Variants in ECPAS observed in about 807,000 individuals in gnomAD.
ECPAS encodes the protein Ecm29 proteasome adaptor and scaffold, also known as proteasome adapter and scaffold protein ECM29.
Under a neutral mutation model 255.1 loss-of-function variants are expected in ECPAS, and 70 were observed. That is an observed-to-expected ratio of 0.27 (90% confidence interval 0.23 to 0.33). The LOEUF is 0.33. Among genes scored for constraint, ECPAS ranks in the 10% least tolerant of loss-of-function variants. The probability of loss-of-function intolerance (pLI) is 1.00; values close to 1 mark genes in which losing one functional copy is unlikely to be tolerated. For synonymous variants in ECPAS, 784 were observed against 775.0 expected (o/e 1.01, Z -0.19); for missense variants, 1,817 against 2,206.4 (o/e 0.82, Z 3.54).
In ECPAS at chr9:111,422,022, C is replaced by A. The variant is rs1368353813; in HGVS notation, c.1354G>T (p.Ala452Ser). Residue 452 changes from alanine (A) to serine (S), a missense_variant, in exon 15 of 50, where the codon GCT becomes TCT. This residue lies in a region of ECPAS where 573 missense variants were observed against 716.2 expected (regional missense o/e 0.80). Coordinates refer to ENST00000684092, the MANE Select transcript of ECPAS (RefSeq NM_001364929.1). Reference protein sequence around the residue: ...LCKEEPETRLAIQEALSMMVG... With the variant: ...LCKEEPETRLSIQEALSMMVG... The stretch of plus-strand genomic sequence containing the variant: ...ATCATAGATAAAGCTTCTTGAATAG[C>A]AAGTCGAGTCTCAGGCTCTTCCTAT... 1 of 1,613,630 alleles carries A rather than the reference C, an allele frequency of 6.2e-7. No homozygotes were observed. The highest frequency in any genetic ancestry group is 8.5e-7 in the Non-Finnish European group (1 of 1,179,798).
In ECPAS at chr9:111,433,358, G is replaced by A. The variant is rs754275956; in HGVS notation, c.723C>T (p.Ile241=). Residue 241 remains isoleucine, a synonymous_variant, in exon 8 of 50, where the codon ATC becomes ATT. Coordinates refer to ENST00000684092, the MANE Select transcript of ECPAS (RefSeq NM_001364929.1). ...CCTGTTCAGCTTCTATGAATTTCAC[G>A]ATTCCCAATTTGCACTGTAGATAAA... is the stretch of plus-strand genomic sequence containing the variant. ...PEQLEQCKLG[I]VKFIEAEQVP... is the part of the protein sequence containing the mutation. 25 of 1,613,768 alleles carry A rather than the reference G, an allele frequency of 1.5e-5. No individual in the cohort carries two copies. Among genetic ancestry groups the A allele is most frequent in the South Asian group, 3.3e-5 (3 of 91,082 alleles).
intron 33 of ECPAS, 91 bp from the exon 34 acceptor site, chr9:111,384,660 C>T (rs2297528): frequency 0.023 from 26,310 of 1,134,580 alleles, 1,181 homozygotes; most frequent in African/African-American, 0.14. Flanking sequence ...TCAGGCCCTA[C>T]AGAGATTTGG....
intron 12 of ECPAS, 45 bp from the exon 13 acceptor site, chr9:111,423,293 C>A: frequency 1.5e-6 from 2 of 1,343,268 alleles, no homozygotes; most frequent in Admixed American, 2.1e-5. Flanking sequence ...GAACAAAAAA[C>A]AGACAAAACA....
chr9:111,431,773 T>C (rs1205552954), intron 8 of ECPAS, among the ~76,000 whole-genome samples: 1 of 152,192 alleles, frequency 6.6e-6, no homozygotes, highest in African/African-American at 2.4e-5. Context: ...TAACTGCTTT[T>C]TGGATTTATC....
intron 12 of ECPAS, 41 bp downstream of exon 12, chr9:111,425,377 G>A (rs748464690): frequency 8.0e-7 from 1 of 1,250,646 alleles, no homozygotes; most frequent in Non-Finnish European, 1.1e-6. Flanking sequence ...AATACTTTAA[G>A]ATATAAAATG....
At chr9:111,459,074 T>C (rs1251693090) in intron 2 of ECPAS, among the ~76,000 whole-genome samples, 1 of 152,202 alleles carries the variant, frequency 6.6e-6, no homozygotes, top group Non-Finnish European at 1.5e-5. Context: ...CGATTCAGTC[T>C]AGTGGAGGGC....
At chr9:111,407,572 T>C (rs2098187101) in intron 24 of ECPAS, among the ~76,000 whole-genome samples, 1 of 152,076 alleles carries the variant, frequency 6.6e-6, no homozygotes. Context: ...AAAAATTCAC[T>C]TTAAAAATAC....
At chr9:111,477,240 C>G (rs773498946) in intron 1 of ECPAS, among the ~76,000 whole-genome samples, 1 of 152,008 alleles carries the variant, frequency 6.6e-6, no homozygotes, top group Non-Finnish European at 1.5e-5. Context: ...TCCCAAGAAG[C>G]TGGGACTACA....
intron 27 of ECPAS, 58 bp from the exon 28 acceptor site, chr9:111,392,940 T>C (rs945208863): frequency 8.4e-7 from 1 of 1,188,796 alleles, no homozygotes; most frequent in Non-Finnish European, 1.2e-6. Flanking sequence ...CTACTTGCTA[T>C]GAAATCAAAA....
intron 6 of ECPAS, among the ~76,000 whole-genome samples, chr9:111,439,350 C>A (rs1403945285): frequency 1.3e-5 from 2 of 152,042 alleles, no homozygotes; most frequent in Non-Finnish European, 2.9e-5. Context: ...CTCACTACAG[C>A]CTCAACCTCC....
intron 24 of ECPAS, among the ~76,000 whole-genome samples, chr9:111,401,500 G>A (rs993382194): frequency 7.9e-5 from 12 of 152,322 alleles, no homozygotes; most frequent in East Asian, 7.7e-4. Flanking sequence ...TCTGTGTCCC[G>A]CTGTGCACAC....
At chr9:111,398,451 A>C (rs1322288720) in intron 24 of ECPAS, among the ~76,000 whole-genome samples, 2 of 152,300 alleles carry the variant, frequency 1.3e-5, no homozygotes, top group East Asian at 3.9e-4. Context: ...TGCTGTAAAT[A>C]ATCCAGAAAT....
chr9:111,394,279 A>G lies in ECPAS; in HGVS notation c.2803T>C (p.Trp935Arg), dbSNP rs995016981. 5 of 1,570,018 alleles carry G rather than the reference A, an allele frequency of 3.2e-6. No individual in the cohort carries two copies. Among genetic ancestry groups the G allele is most frequent in the Non-Finnish European group, 4.3e-6 (5 of 1,157,948 alleles). Residue 935 changes from tryptophan to arginine, a missense_variant, in exon 26 of 50, where the codon TGG (tryptophan) becomes CGG (arginine). Around this residue, in one of 4 missense-constraint regions of ECPAS, gnomAD observed 960 missense variants for 1,179.0 expected, o/e 0.81. Transcript: ENST00000684092. The part of the protein sequence containing the change: ...AGAKVNDVVP[W>R]VLDVILNKHI... ...TTATTTAAAATCACATCCAACACCC[A>G]TGGAACCACATCATTCACTTTGGCT...
At position 111,366,588 on chromosome 9, in the gene ECPAS, C is replaced by T. The variant is rs778983990; in HGVS notation, c.5153G>A (p.Arg1718Gln). The T allele has an allele frequency of 8.1e-6, 13 of 1,613,264 alleles. No homozygotes were observed. The highest frequency in any genetic ancestry group is 8.5e-7 in the Non-Finnish European group (1 of 1,179,560). Residue 1718 changes from arginine (R) to glutamine (Q), a missense_variant, in exon 47 of 50, where the codon CGG becomes CAG. Arg to Gln is a conservative substitution (Grantham distance 43). Coordinates refer to ENST00000684092, the MANE Select transcript of ECPAS (RefSeq NM_001364929.1). ...CACTTTCCACGTGCTGAGTTTTAGC[C>T]GTTCACACATCAGTTTGCACAGCTC... is the stretch of plus-strand genomic sequence containing the variant. ...RQELCKLMCE[R>Q]LKLSTWKVQL...
At chr9:111,450,165 G>C (rs1256026187) in intron 3 of ECPAS, among the ~76,000 whole-genome samples, 1 of 152,122 alleles carries the variant, frequency 6.6e-6, no homozygotes, top group Non-Finnish European at 1.5e-5. Flanking sequence ...CTGGCATATA[G>C]AAGGCACTCA....
At chr9:111,465,765 G>C (rs1222049303) in intron 2 of ECPAS, among the ~76,000 whole-genome samples, 1 of 152,020 alleles carries the variant, frequency 6.6e-6, no homozygotes, top group Non-Finnish European at 1.5e-5. Flanking sequence ...CATATGCAGT[G>C]GCTCACTCCT....
Position 111,369,111 on chromosome 9 carries a change from CT to C in ECPAS, c.5036del (p.Lys1679ArgfsTer36). The stretch of plus-strand genomic sequence containing the variant: ...CCAGCAGATATTCCAGCTGGAGCTC[CT>C]TTTCCTTTTCATTCTCCTCTTCATT... ...TKNEEENEKEKELQLEYLLGA... is the reference protein window; with the variant it reads ...TKNEEENEKEXELQLEYLLGA... On this transcript the variant is annotated frameshift_variant, in exon 46 of 50. Coordinates refer to ENST00000684092, the MANE Select transcript of ECPAS (RefSeq NM_001364929.1). LOFTEE classifies it high-confidence loss of function. 3 of 1,607,978 alleles carry C rather than the reference CT, an allele frequency of 1.9e-6. No homozygotes were observed. Among genetic ancestry groups the C allele is most frequent in the Admixed American group, 1.7e-5 (1 of 58,776 alleles).
chr9:111,462,763 G>C (rs1010322332), intron 2 of ECPAS, among the ~76,000 whole-genome samples: 7 of 109,370 alleles, frequency 6.4e-5, no homozygotes, highest in Admixed American at 1.1e-4. Context: ...TTTTTTTTGA[G>C]ACAGAGTTTC....
rs578189108 is a variant in ECPAS, at chr9:111,375,560, T to C, written c.4021-358A>G. Among the ~76,000 whole-genome samples, 16 of 152,306 alleles carry C rather than the reference T, an allele frequency of 1.1e-4. No homozygotes were observed. The East Asian group carries it at 3.1e-3, about 29-fold the overall frequency. Reference sequence around the variant, plus strand: ...AAATATTGATCTTCTACAGTGGGCCTACCCTACCAAACCCCCTCTAATGAG... The same window carrying C: ...AAATATTGATCTTCTACAGTGGGCCCACCCTACCAAACCCCCTCTAATGAG... On this transcript the variant is annotated intron_variant, in intron 37 of 49. Coordinates refer to ENST00000684092, the MANE Select transcript of ECPAS (RefSeq NM_001364929.1).
Sources: allele counts gnomAD v4.1 joint callset (sites outside exome capture counted in the v4.1 genomes callset), GRCh38; gene constraint gnomAD v4.1.1; regional missense constraint gnomAD v4.1.1; transcripts MANE v1.5; gene names NCBI Gene and HGNC (gene_info 2026-07-23, HGNC 2026-07-21).